The following BRAT1 variants were observed in gnomAD, a reference collection of about 807,000 sequenced individuals.
BRAT1 encodes the protein integrator complex assembly factor BRAT1.
A neutral mutation model predicts 70.6 loss-of-function variants in BRAT1; 74 were observed. The ratio of observed to expected loss-of-function variants is 1.05; its 90% CI spans 0.87 to 1.27. The LOEUF is 1.27. Ranked by LOEUF, BRAT1 falls within the 50% of genes most tolerant of loss-of-function variation. The pLI is 0.00. For synonymous variants in BRAT1, 615 were observed against 517.1 expected (o/e 1.19, Z -2.57); for missense variants, 1,203 against 1,098.2 (o/e 1.10, Z -1.35).
rs746097785 is a variant in BRAT1, at chr7:2,539,244, T to C, written c.1705A>G (p.Met569Val). 4 of 1,611,228 alleles carry C rather than the reference T, an allele frequency of 2.5e-6. No individual in the cohort carries two copies. Among genetic ancestry groups the C allele is most frequent in the African/African-American group, 1.3e-5 (1 of 74,884 alleles). ...SYVRASAVTAMGQLSSQGLHA... is the reference protein window; with the variant it reads ...SYVRASAVTAVGQLSSQGLHA... ...AGGCCCTGGCTGGACAGCTGCCCCA[T>C]GGCGGTCACTGCACTCGCTCGGACA... The change falls in exon 13 of 14, where the codon ATG (methionine) becomes GTG (valine). Residue 569 changes from methionine (M) to valine (V), a missense_variant. Met to Val is a conservative substitution (Grantham distance 21). Transcript: ENST00000340611.
intron 7 of BRAT1, 140 bp from the exon 8 acceptor site, chr7:2,541,976 C>A (rs1454541313): frequency 6.7e-6 from 8 of 1,202,126 alleles, no homozygotes; most frequent in Non-Finnish European, 9.3e-6. Context: ...ATGGCCATGT[C>A]CCCGGTCCCC....
intron 6 of BRAT1, chr7:2,542,664 G>A (rs1023583963): frequency 2.0e-5 from 4 of 196,664 alleles, no homozygotes; most frequent in South Asian, 8.3e-5. Flanking sequence ...CTAAACATTC[G>A]GAGACCCCGG....
chr7:2,539,510 G>C (rs1298056228), intron 12 of BRAT1, 34 bp downstream of exon 12: 10 of 1,528,638 alleles, frequency 6.5e-6, no homozygotes, highest in Middle Eastern at 1.9e-4. Flanking sequence ...CCCCACAGGC[G>C]GGGAAGGCAG....
chr7:2,550,481 C>CAAAAAAAAAAAAAAAAAAAAAAAAAAAA (rs369777124), intron 2 of BRAT1, among the ~76,000 whole-genome samples: 13 of 57,568 alleles, frequency 2.3e-4, no homozygotes, highest in South Asian at 6.0e-4. Context: ...AAAAAAAAAA[C>CAAAAAAAAAAAAAAAAAAAAAAAAAAAA]AAAAAAAAAA....
intron 1 of BRAT1, among the ~76,000 whole-genome samples, 191 bp downstream of exon 1, chr7:2,555,296 C>T (rs916526136): frequency 5.3e-5 from 8 of 152,064 alleles, no homozygotes; most frequent in Non-Finnish European, 1.0e-4. Flanking sequence ...CAGTTTTGGC[C>T]GCGAGCGCCA....
chr7:2,555,430 T>C (rs1043257747), intron 1 of BRAT1, 57 bp downstream of exon 1: 2 of 152,122 alleles, frequency 1.3e-5, no homozygotes, highest in Admixed American at 6.5e-5. Context: ...GGCCGGGTCT[T>C]GGCCTCCCCG....
chr7:2,544,973 G>A lies in BRAT1; in HGVS notation c.366C>T (p.Gly122=). 2 of 1,566,788 alleles carry A rather than the reference G, an allele frequency of 1.3e-6. No homozygotes were observed. The highest frequency in any genetic ancestry group is 8.6e-7 in the Non-Finnish European group (1 of 1,156,204). ...CCAGGGAGCGCAGGCCCTGGATCCA[G>A]CCGCTGCGCACGGTGGGGACGGCCC... ...ATWAVPTVRS[G]WIQGLRSLAQ... is the part of the protein sequence containing the mutation. Residue 122 remains glycine, a synonymous_variant, in exon 4 of 14, where the codon GGC becomes GGT. Transcript: ENST00000340611.
At position 2,537,946 on chromosome 7, in the gene BRAT1, G is replaced by C; in HGVS notation, c.*123C>G. On this transcript the variant is annotated 3_prime_UTR_variant, in exon 14 of 14. Coordinates refer to ENST00000340611, the MANE Select transcript of BRAT1 (RefSeq NM_152743.4). Reference sequence around the variant, plus strand: ...GATTTCTTGACCTTGCTTCTCTCCTGGTCCTGGCTTCCCCAGAGGATCCAC... The same window carrying C: ...GATTTCTTGACCTTGCTTCTCTCCTCGTCCTGGCTTCCCCAGAGGATCCAC... The C allele has an allele frequency of 2.2e-6, 3 of 1,369,786 alleles. No homozygotes were observed. The highest frequency in any genetic ancestry group is 2.0e-5 in the South Asian group (1 of 50,896). The allele number at this position is 1,369,786 out of a possible 1,614,324, so 84.9% of individuals were successfully genotyped here.
At position 2,543,225 on chromosome 7, in the gene BRAT1, C is replaced by T. The variant is rs866641514; in HGVS notation, c.902G>A (p.Gly301Glu). The T allele has an allele frequency of 2.0e-5, 32 of 1,608,356 alleles. No individual in the cohort carries two copies. The highest frequency in any genetic ancestry group is 1.3e-4 in the African/African-American group (10 of 74,576). Reference sequence around the variant, plus strand: ...ATACCAGTGCTCGAGCTTCAGGATCCCCAAAGCCAGGGGTCCCATGTGGGT... The same window carrying T: ...ATACCAGTGCTCGAGCTTCAGGATCTCCAAAGCCAGGGGTCCCATGTGGGT... ...GPTHMGPLAL[G>E]ILKLEHCPQA... Residue 301 changes from glycine (G) to glutamate (E), a missense_variant, in exon 6 of 14, where the codon GGG becomes GAG. By Grantham distance (98) the Gly-to-Glu change is moderately conservative. Transcript: ENST00000340611. The surrounding 1 kb of genome is among the most constrained non-coding windows in gnomAD (Gnocchi z 5.5).
At position 2,543,284 on chromosome 7, in the gene BRAT1, C is replaced by T. The variant is rs1342903219; in HGVS notation, c.843G>A (p.Glu281=). ...VFSSSDGSLW[E]TVARALSCLG... Reference sequence around the variant, plus strand: ...GGCAGCTCAGAGCCCGCGCCACTGTCTCCCACAGGCTGCCGTCGGAAGAAC... The same window carrying T: ...GGCAGCTCAGAGCCCGCGCCACTGTTTCCCACAGGCTGCCGTCGGAAGAAC... The change falls in exon 6 of 14, where the codon GAG becomes GAA. Residue 281 remains glutamate, a synonymous_variant. Coordinates refer to ENST00000340611, the MANE Select transcript of BRAT1 (RefSeq NM_152743.4). This position sits in a 1 kb window ranked among gnomAD's most constrained non-coding sequence, Gnocchi z 5.5. 1 of 1,609,858 alleles carries T rather than the reference C, an allele frequency of 6.2e-7. No homozygotes were observed. The highest frequency in any genetic ancestry group is 1.1e-5 in the South Asian group (1 of 90,754).
rs1779115260 is a variant in BRAT1, at chr7:2,541,059, CAG to C, written c.1322-9_1322-8del. The stretch of plus-strand genomic sequence containing the variant: ...GTCACCAGCTCCTGGGGGCCTGAGA[CAG>C]AGGTGAGTGGATAAACCACCCCCAC... On this transcript the variant is annotated splice_polypyrimidine_tract_variant and splice_region_variant and intron_variant, in intron 9 of 13. Transcript: ENST00000340611. 1 of 1,558,842 alleles carries C rather than the reference CAG, an allele frequency of 6.4e-7. No individual in the cohort carries two copies. Among genetic ancestry groups the C allele is most frequent in the African/African-American group, 1.4e-5 (1 of 71,544 alleles).
Position 2,542,406 on chromosome 7 carries a change from G to A in BRAT1, c.924-195C>T, listed in dbSNP as rs144837082. On this transcript the variant is annotated intron_variant, in intron 6 of 13. Coordinates refer to ENST00000340611, the MANE Select transcript of BRAT1 (RefSeq NM_152743.4). ...GGAGGACAGGCCTGACCAAGGAGAT[G>A]GGCCTGACACTCCTGATGTCCTTAG... The A allele has an allele frequency of 3.8e-3, 2,295 of 606,868 alleles. 7 individuals are homozygous for A. The highest frequency in any genetic ancestry group is 5.5e-3 in the Non-Finnish European group (1,858 of 340,576). The allele number at this position is 606,868 out of a possible 1,614,324, so 37.6% of individuals were successfully genotyped here.
rs772848369 is a variant in BRAT1 at position 2,542,160 on chromosome 7, G to T, written c.975C>A (p.Ala325=). 7 of 1,573,006 alleles carry T rather than the reference G, an allele frequency of 4.5e-6. No homozygotes were observed. Among genetic ancestry groups the T allele is most frequent in the Non-Finnish European group, 5.2e-6 (6 of 1,159,182 alleles). Residue 325 remains alanine, a synonymous_variant, in exon 7 of 14, where the codon GCC becomes GCA. Transcript: ENST00000340611. ...QAFQVLLQPL[A]CVLKATVQAP... ...CCTGAACCGTGGCCTTCAGGACACA[G>T]GCCAGGGGCTGGAGAAGGACCTGGA...
intron 7 of BRAT1, 90 bp from the exon 8 acceptor site, chr7:2,541,926 G>C (rs1419946021): frequency 2.1e-6 from 3 of 1,412,870 alleles, no homozygotes; most frequent in South Asian, 2.5e-5. Context: ...CCACAGCACA[G>C]GCCAGGACCT....
At chr7:2,550,174 GA>G (rs58187536) in intron 2 of BRAT1, among the ~76,000 whole-genome samples, 1 of 144,534 alleles carries the variant, frequency 6.9e-6, no homozygotes, top group Non-Finnish European at 1.5e-5. Flanking sequence ...AAAAAAAAAA[GA>G]AAAAAAAAAT....
At chr7:2,547,725 T>A (rs1362013188) in intron 2 of BRAT1, among the ~76,000 whole-genome samples, 1 of 151,990 alleles carries the variant, frequency 6.6e-6, no homozygotes, top group Non-Finnish European at 1.5e-5. Context: ...TCACAACAGG[T>A]GAATGGCCAA....
In BRAT1 at chr7:2,543,091, C is replaced by A; in HGVS notation, c.923+113G>T. 7.2e-7 allele frequency: 1 copy of A among 1,383,694 alleles called. No individual in the cohort carries two copies. The highest frequency in any genetic ancestry group is 1.5e-5 in the South Asian group (1 of 64,552). The allele number at this position is 1,383,694 out of a possible 1,614,324, so 85.7% of individuals were successfully genotyped here. A position where few individuals can be genotyped will look rare whatever the true frequency, so the allele number is the denominator to read the frequency against. On this transcript the variant is annotated intron_variant, in intron 6 of 13. Coordinates refer to ENST00000340611, the MANE Select transcript of BRAT1 (RefSeq NM_152743.4). This position sits in a 1 kb window ranked among gnomAD's most constrained non-coding sequence, Gnocchi z 5.5. ...ACCCAGTCACACCCCGCACGGCCGC[C>A]TGACTGTCCCTGGTGTCCGGAACTC...
intron 10 of BRAT1, chr7:2,540,451 G>A (rs139408057): frequency 9.6e-4 from 150 of 155,898 alleles, no homozygotes; most frequent in African/African-American, 3.4e-3. Context: ...GCCCTCACCA[G>A]AAGACCCACA....
At chr7:2,541,580 C>G in intron 8 of BRAT1, 96 bp from the exon 9 acceptor site, 2 of 1,462,546 alleles carry the variant, frequency 1.4e-6, no homozygotes, top group Non-Finnish European at 1.8e-6. Context: ...CGGGGGACAT[C>G]AGCCAAGGTT....
Sources: allele counts gnomAD v4.1 joint callset (sites outside exome capture counted in the v4.1 genomes callset), GRCh38; gene constraint gnomAD v4.1.1; non-coding constraint Gnocchi (gnomAD v3.1); transcripts MANE v1.5; gene names NCBI Gene and HGNC (gene_info 2026-07-23, HGNC 2026-07-21).